EIF4G3: variants seen among roughly 807,000 people sequenced by gnomAD.
EIF4G3 encodes eukaryotic translation initiation factor 4 gamma 3.
A neutral mutation model predicts 186.4 loss-of-function variants in EIF4G3; 34 were observed. The observed-to-expected ratio is 0.18, with a 90% CI of 0.14 to 0.24. EIF4G3 has a LOEUF of 0.24. Ranked by LOEUF, EIF4G3 falls within the 10% of genes least tolerant of loss-of-function variation. EIF4G3 has a pLI of 1.00. For synonymous variants in EIF4G3, 673 were observed against 679.5 expected (o/e 0.99, Z 0.15); for missense variants, 1,536 against 1,948.5 (o/e 0.79, Z 3.99).
At position 20,982,515 on chromosome 1, in the gene EIF4G3, ATCTT is replaced by A. The variant is rs1166253585; in HGVS notation, c.178-111_178-108del. ...AAATAGCATGCAGCTCAACAAAAAT[ATCTT>A]TCTATTTAGTAATAATAGGAGAAGA... On this transcript the variant is annotated intron_variant, in intron 7 of 36. Transcript: ENST00000602326. 8.8e-6 allele frequency: 6 copies of A among 685,512 alleles called. No individual in the cohort carries two copies. In the Admixed American group the frequency reaches 1.1e-4, roughly 13 times the overall value. The allele number at this position is 685,512 out of a possible 1,614,324, so 42.5% of individuals were successfully genotyped here.
intron 2 of EIF4G3, among the ~76,000 whole-genome samples, chr1:21,128,542 T>C (rs931215634): frequency 2.0e-5 from 3 of 152,110 alleles, no homozygotes; most frequent in Admixed American, 1.3e-4. Context: ...ACATTGTCAA[T>C]TATATAACTT....
chr1:20,949,160 C>T (rs979630630), intron 13 of EIF4G3, among the ~76,000 whole-genome samples: 3 of 151,922 alleles, frequency 2.0e-5, no homozygotes, highest in Admixed American at 6.6e-5. Context: ...CTTGCTTCCC[C>T]GAACTATGTT....
At chr1:20,859,799 G>T (rs2075931060) in intron 24 of EIF4G3, among the ~76,000 whole-genome samples, 1 of 152,122 alleles carries the variant, frequency 6.6e-6, no homozygotes, top group Non-Finnish European at 1.5e-5. Flanking sequence ...CATCATGTTG[G>T]TCAGGCTGGT....
chr1:20,915,010 G>A (rs1465969622), intron 14 of EIF4G3, among the ~76,000 whole-genome samples: 5 of 152,150 alleles, frequency 3.3e-5, no homozygotes, highest in Non-Finnish European at 5.9e-5. Flanking sequence ...TTCCAGTTAT[G>A]TCGATTCCTT....
intron 18 of EIF4G3, among the ~76,000 whole-genome samples, chr1:20,888,997 T>C (rs915387269): frequency 3.3e-5 from 5 of 152,182 alleles, no homozygotes; most frequent in Non-Finnish European, 5.9e-5. Flanking sequence ...TAAGGAACTT[T>C]AAGGTATAAT....
intron 3 of EIF4G3, among the ~76,000 whole-genome samples, chr1:21,060,795 A>C (rs923398383): frequency 8.7e-5 from 6 of 68,658 alleles, no homozygotes; most frequent in South Asian, 3.8e-4. Flanking sequence ...AAAAAAAAAA[A>C]AAAAAAAAAC....
At chr1:20,838,673 G>GC (rs2067486105) in intron 30 of EIF4G3, among the ~76,000 whole-genome samples, 1 of 152,008 alleles carries the variant, frequency 6.6e-6, no homozygotes, top group Admixed American at 6.6e-5. Context: ...CTAGCTTATT[G>GC]CTGAAAGAAA....
At chr1:20,827,172 A>T (rs1446619353) in intron 32 of EIF4G3, among the ~76,000 whole-genome samples, 4 of 152,138 alleles carry the variant, frequency 2.6e-5, no homozygotes, top group Non-Finnish European at 5.9e-5. Context: ...ATGCCACAAC[A>T]CTTCCCCAAA....
At chr1:20,923,936 A>G (rs2094680733) in intron 14 of EIF4G3, among the ~76,000 whole-genome samples, 1 of 152,080 alleles carries the variant, frequency 6.6e-6, no homozygotes, top group African/African-American at 2.4e-5. Context: ...GTCACATGGT[A>G]GATATAAATT....
At chr1:21,118,151 C>T (rs150493529) in intron 2 of EIF4G3, among the ~76,000 whole-genome samples, 2 of 152,166 alleles carry the variant, frequency 1.3e-5, no homozygotes, top group African/African-American at 4.8e-5. Flanking sequence ...TTTCAAAGGC[C>T]GCATAACCAA....
At chr1:21,066,645 C>T (rs907840732) in intron 3 of EIF4G3, among the ~76,000 whole-genome samples, 12 of 152,084 alleles carry the variant, frequency 7.9e-5, no homozygotes, top group African/African-American at 2.9e-4. Flanking sequence ...AAAAAGGGAA[C>T]TGTATAAAGT....
chr1:20,993,631 T>A (rs79383541), intron 7 of EIF4G3, among the ~76,000 whole-genome samples: 14 of 152,062 alleles, frequency 9.2e-5, no homozygotes, highest in African/African-American at 3.1e-4. Context: ...AAAAAATAAA[T>A]TGAGATCAAA....
At chr1:20,945,330 A>C (rs2095891045) in intron 13 of EIF4G3, among the ~76,000 whole-genome samples, 1 of 152,230 alleles carries the variant, frequency 6.6e-6, no homozygotes, top group Admixed American at 6.5e-5. Context: ...GAAAAAAGGA[A>C]ATCAACTAAA....
chr1:21,094,107 A>G (rs1197013185), intron 2 of EIF4G3, among the ~76,000 whole-genome samples: 1 of 151,456 alleles, frequency 6.6e-6, no homozygotes, highest in South Asian at 2.1e-4. Context: ...ATAATAAAAA[A>G]AATTTTTTTT....
At chr1:20,849,935 C>T (rs558801689) in intron 28 of EIF4G3, among the ~76,000 whole-genome samples, 1 of 152,140 alleles carries the variant, frequency 6.6e-6, no homozygotes, top group African/African-American at 2.4e-5. Context: ...TACTACAGCT[C>T]TGCTCACAGT....
At chr1:21,008,940 C>T (rs1480596192) in intron 4 of EIF4G3, among the ~76,000 whole-genome samples, 1 of 152,002 alleles carries the variant, frequency 6.6e-6, no homozygotes, top group Admixed American at 6.6e-5. Context: ...AAAGAAATTC[C>T]AGATTGATTA....
intron 2 of EIF4G3, among the ~76,000 whole-genome samples, chr1:21,144,102 T>C (rs541373781): frequency 2.2e-4 from 33 of 152,204 alleles, no homozygotes; most frequent in Admixed American, 1.1e-3. Context: ...TTGGCTTCTA[T>C]TTTTTTGGTG....
intron 11 of EIF4G3, among the ~76,000 whole-genome samples, chr1:20,970,143 C>T (rs1042694542): frequency 2.6e-4 from 40 of 152,052 alleles, no homozygotes; most frequent in Admixed American, 1.0e-3. Context: ...AAGTTTTAAA[C>T]GCTGTAAATA....
intron 14 of EIF4G3, among the ~76,000 whole-genome samples, chr1:20,931,923 TAA>T (rs11290279): frequency 1.2e-3 from 181 of 147,578 alleles, no homozygotes; most frequent in Middle Eastern, 3.5e-3. Flanking sequence ...GACTCTGTCT[TAA>T]AAAAAAAAAA....
Sources: gnomAD v4.1 joint callset for allele counts (sites outside exome capture counted in the v4.1 genomes callset) on GRCh38, gnomAD v4.1.1 for gene constraint, MANE v1.5 for transcripts, NCBI Gene and HGNC (gene_info 2026-07-23, HGNC 2026-07-21) for gene names.